HIVEP3: variants seen among roughly 807,000 people sequenced by gnomAD.
The protein encoded by HIVEP3 is HIVEP zinc finger 3.
In HIVEP3, 49 loss-of-function variants were observed where a neutral mutation model predicts 152.8. The ratio of observed to expected loss-of-function variants is 0.32; its 90% confidence interval spans 0.26 to 0.41. HIVEP3 has a LOEUF of 0.41. HIVEP3 is among the 10% of genes least tolerant of loss of function. The pLI is 1.00. For synonymous variants in HIVEP3, 1,269 were observed against 1,289.0 expected (o/e 0.98, Z 0.33); for missense variants, 2,790 against 3,103.3 (o/e 0.90, Z 2.40).
intron 1 of HIVEP3, among the ~76,000 whole-genome samples, chr1:42,021,450 T>C (rs983791055): frequency 5.3e-5 from 8 of 151,984 alleles, no homozygotes; most frequent in African/African-American, 1.9e-4. Context: ...CTGAGATTCT[T>C]AGGAAAGGAG....
intron 3 of HIVEP3, among the ~76,000 whole-genome samples, chr1:41,590,477 G>A (rs1005613799): frequency 3.3e-5 from 5 of 152,322 alleles, no homozygotes; most frequent in Admixed American, 1.3e-4. Context: ...TTGTCAGGAA[G>A]GAACATGGAT....
chr1:41,920,577 G>GTTTTTT (rs10708045), upstream of HIVEP3, among the ~76,000 whole-genome samples: 1 of 123,180 alleles, frequency 8.1e-6, no homozygotes, highest in Non-Finnish European at 2.0e-5. Flanking sequence ...AAACAAGATG[G>GTTTTTT]TTTTTTTTTT....
intron 1 of HIVEP3, among the ~76,000 whole-genome samples, chr1:41,882,281 G>A (rs979182401): frequency 2.0e-5 from 3 of 152,168 alleles, no homozygotes; most frequent in African/African-American, 4.8e-5. Context: ...GCACGCGGGA[G>A]GGAAAAGGAT....
intron 7 of HIVEP3, among the ~76,000 whole-genome samples, chr1:41,515,942 C>A (rs1642591958): frequency 6.6e-6 from 1 of 152,178 alleles, no homozygotes. Flanking sequence ...AGATGAAGGT[C>A]ACAGGGGTAG....
At chr1:41,984,982 A>G (rs949224533) in intron 1 of HIVEP3, among the ~76,000 whole-genome samples, 2 of 152,232 alleles carry the variant, frequency 1.3e-5, no homozygotes, top group African/African-American at 4.8e-5. Context: ...GGACTAAAAA[A>G]AAAAAAGGAC....
At position 41,580,017 on chromosome 1, in the gene HIVEP3, T is replaced by A. The variant is rs144017759; in HGVS notation, c.4781A>T (p.Gln1594Leu). Reference protein sequence around the residue: ...QEGTDSKKVLQFPSLHTTTNV... With the variant: ...QEGTDSKKVLLFPSLHTTTNV... ...AGTGGTTGTGTGGAGGCTGGGGAACTGCAGTACCTTCTTTGAGTCCGTACC... is the reference window on the plus strand; with the variant it reads ...AGTGGTTGTGTGGAGGCTGGGGAACAGCAGTACCTTCTTTGAGTCCGTACC... Residue 1594 changes from glutamine to leucine, a missense_variant, in exon 4 of 9, where the codon CAG becomes CTG. Physicochemically the swap from Gln to Leu is moderately radical, Grantham distance 113. This residue lies in a region of HIVEP3 where 1,078 missense variants were observed against 1,165.3 expected (regional missense o/e 0.93). Coordinates refer to ENST00000372583, the MANE Select transcript of HIVEP3 (RefSeq NM_024503.5). 6.9e-5 allele frequency: 112 copies of A among 1,614,224 alleles called. No homozygotes were observed. The African/African-American group carries it at 1.3e-3, about 18-fold the overall frequency.
At chr1:41,839,914 C>A (rs1415110903) in intron 1 of HIVEP3, among the ~76,000 whole-genome samples, 1 of 152,216 alleles carries the variant, frequency 6.6e-6, no homozygotes, top group Non-Finnish European at 1.5e-5. Context: ...GCCTCACTGT[C>A]TGCCATGGTT....
At chr1:41,732,345 C>T (rs376043164) in intron 1 of HIVEP3, among the ~76,000 whole-genome samples, 7 of 152,190 alleles carry the variant, frequency 4.6e-5, no homozygotes, top group Middle Eastern at 6.8e-3. Context: ...AGGGTCAAAA[C>T]GCTGGGAAAT....
chr1:41,826,411 T>C (rs1323568863), intron 1 of HIVEP3, among the ~76,000 whole-genome samples: 1 of 152,174 alleles, frequency 6.6e-6, no homozygotes, highest in Non-Finnish European at 1.5e-5. Context: ...CTGGGTGTTT[T>C]GTTTGTTTGT....
rs543297614 is a variant in HIVEP3, at chr1:41,685,842, C to A, written c.-721+15074G>T. Among the ~76,000 whole-genome samples, 240 of 152,244 alleles carry A rather than the reference C, an allele frequency of 1.6e-3. 1 individual carries two copies. The highest frequency in any genetic ancestry group is 2.8e-3 in the African/African-American group (116 of 41,530). ...CCAGGAACCTTTGGGGTATGTGTAG[C>A]ATGGTTCTCTCTCCAACCCGCCTCT... On this transcript the variant is annotated intron_variant, in intron 2 of 8. Transcript: ENST00000372583.
chr1:41,671,844 G>C (rs935517230), intron 2 of HIVEP3, among the ~76,000 whole-genome samples: 3 of 152,228 alleles, frequency 2.0e-5, no homozygotes, highest in Non-Finnish European at 4.4e-5. Flanking sequence ...GTTGGATTTT[G>C]AAGAGTGGGT....
chr1:41,739,242 G>C (rs967995969), intron 1 of HIVEP3, among the ~76,000 whole-genome samples: 2 of 152,240 alleles, frequency 1.3e-5, no homozygotes, highest in Non-Finnish European at 2.9e-5. Flanking sequence ...GAGGTCACGT[G>C]CACAGAGCAG....
intron 1 of HIVEP3, among the ~76,000 whole-genome samples, chr1:41,851,289 C>CTTTTTT (rs34180186): frequency 1.9e-3 from 115 of 59,806 alleles, no homozygotes; most frequent in Middle Eastern, 0.016. Context: ...TCTTCTTCTT[C>CTTTTTT]TTTTTTTTTT....
intron 1 of HIVEP3, among the ~76,000 whole-genome samples, chr1:41,860,388 C>A (rs979974591): frequency 6.6e-6 from 1 of 152,172 alleles, no homozygotes; most frequent in Non-Finnish European, 1.5e-5. Flanking sequence ...GTCTGTTTAT[C>A]TCAAGCTATA....
chr1:42,032,552 T>C (rs182628034), intron 1 of HIVEP3, among the ~76,000 whole-genome samples: 2 of 152,302 alleles, frequency 1.3e-5, no homozygotes, highest in Admixed American at 6.5e-5. Flanking sequence ...GATACAGCTT[T>C]GGGGGCTATG....
chr1:41,599,013 C>T (rs1644708248), intron 3 of HIVEP3, among the ~76,000 whole-genome samples: 1 of 152,086 alleles, frequency 6.6e-6, no homozygotes, highest in Admixed American at 6.5e-5. Context: ...GATGGGGTTT[C>T]ACCATGTTGG....
intron 5 of HIVEP3, among the ~76,000 whole-genome samples, chr1:41,572,392 G>A (rs997888396): frequency 1.3e-5 from 2 of 150,774 alleles, no homozygotes; most frequent in Non-Finnish European, 3.0e-5. Context: ...GCTGGGCAGC[G>A]TACCCTTCCT....
intron 1 of HIVEP3, among the ~76,000 whole-genome samples, chr1:41,750,126 T>C (rs2124222059): frequency 6.6e-6 from 1 of 152,318 alleles, no homozygotes; most frequent in African/African-American, 2.4e-5. Context: ...CGCCATGACC[T>C]TAAGCACGTT....
intron 1 of HIVEP3, among the ~76,000 whole-genome samples, chr1:41,891,916 G>A (rs1441376845): frequency 6.6e-6 from 1 of 152,222 alleles, no homozygotes; most frequent in Non-Finnish European, 1.5e-5. Context: ...GCGTCCTGGA[G>A]ATTTTAAGGA....
Sources: allele counts gnomAD v4.1 joint callset (sites outside exome capture counted in the v4.1 genomes callset), GRCh38; gene constraint gnomAD v4.1.1; regional missense constraint gnomAD v4.1.1; transcripts MANE v1.5; gene names NCBI Gene and HGNC (gene_info 2026-07-23, HGNC 2026-07-21).